Variants in ANKRD11 observed in about 807,000 individuals in gnomAD.
ANKRD11 encodes ankyrin repeat domain-containing protein 11.
In ANKRD11, 17 loss-of-function variants were observed where a neutral mutation model predicts 195.7. The observed-to-expected ratio is 0.09, with a 90% CI of 0.06 to 0.13. ANKRD11 has a LOEUF of 0.13. Ranked by LOEUF, ANKRD11 falls within the 10% of genes least tolerant of loss-of-function variation. The probability of loss-of-function intolerance (pLI) is 1.00; values close to 1 mark genes in which losing one functional copy is unlikely to be tolerated. For missense variants in ANKRD11, 3,735 were observed against 3,566.1 expected, an observed-to-expected ratio of 1.05 and a Z score of -1.21; for synonymous variants, 1,953 against 1,528.1, an observed-to-expected ratio of 1.28 and a Z score of -6.49.
intron 11 of ANKRD11, 119 bp downstream of exon 11, chr16:89,274,695 T>C (rs1319796901): frequency 6.9e-7 from 1 of 1,457,406 alleles, no homozygotes; most frequent in Non-Finnish European, 9.5e-7. Flanking sequence ...CTGTAGCCCC[T>C]GCAAGGTGCT....
At chr16:89,479,892 G>C (rs1302055878) in intron 1 of ANKRD11, among the ~76,000 whole-genome samples, 1 of 147,680 alleles carries the variant, frequency 6.8e-6, no homozygotes, top group Non-Finnish European at 1.5e-5. Context: ...GCAGTGAGCC[G>C]AGATTGTGCC....
intron 1 of ANKRD11, among the ~76,000 whole-genome samples, chr16:89,435,491 GGTCTGCAGCT>G (rs2043176049): frequency 6.6e-6 from 1 of 152,072 alleles, no homozygotes; most frequent in Non-Finnish European, 1.5e-5. Context: ...TCAGCGCGAA[GGTCTGCAGCT>G]TCACTCCTGA....
At chr16:89,271,002 C>A in intron 11 of ANKRD11, 93 bp from the exon 12 acceptor site, 1 of 1,172,498 alleles carries the variant, frequency 8.5e-7, no homozygotes, top group Non-Finnish European at 1.3e-6. Context: ...TGACCGTTCT[C>A]AAGGGACAAC....
At chr16:89,434,404 C>T (rs1225546268) in intron 1 of ANKRD11, among the ~76,000 whole-genome samples, 3 of 152,174 alleles carry the variant, frequency 2.0e-5, no homozygotes, top group South Asian at 2.1e-4. Context: ...TTCTTCTCCA[C>T]GCAAGTCGGA....
At chr16:89,335,359 G>T (rs567936965) in intron 2 of ANKRD11, among the ~76,000 whole-genome samples, 2 of 152,220 alleles carry the variant, frequency 1.3e-5, no homozygotes, top group Non-Finnish European at 2.9e-5. Context: ...CCACACCGAG[G>T]CATCCGTGAG....
chr16:89,316,804 G>T, intron 3 of ANKRD11, 129 bp downstream of exon 3: 1 of 1,142,088 alleles, frequency 8.8e-7, no homozygotes, highest in Non-Finnish European at 1.3e-6. Flanking sequence ...CTCCACTCCT[G>T]GCTGCAGACA....
chr16:89,455,845 A>C (rs1240451223), intron 1 of ANKRD11, among the ~76,000 whole-genome samples: 4 of 152,210 alleles, frequency 2.6e-5, no homozygotes, highest in African/African-American at 9.7e-5. Context: ...TAAACACAGA[A>C]CTATGATATA....
chr16:89,462,084 A>C (rs1463523782), intron 1 of ANKRD11, among the ~76,000 whole-genome samples: 7 of 38,714 alleles, frequency 1.8e-4, no homozygotes, highest in East Asian at 8.5e-4. Flanking sequence ...CCCTCTCCCC[A>C]TGGTCTCCCT....
chr16:89,388,629 C>T lies in ANKRD11; in HGVS notation c.-60+29655G>A, dbSNP rs566815883. Among the ~76,000 whole-genome samples the T allele has an allele frequency of 2.6e-5, 4 of 152,192 alleles. No individual in the cohort carries two copies. The South Asian group carries it at 8.3e-4, about 32-fold the overall frequency. Reference sequence around the variant, plus strand: ...AATATTTGCACCTGAGAAGATGGGGCTGAAGGAGGCTGCATAGAGCAGGAG... The same window carrying T: ...AATATTTGCACCTGAGAAGATGGGGTTGAAGGAGGCTGCATAGAGCAGGAG... On this transcript the variant is annotated intron_variant, in intron 2 of 12. Coordinates refer to ENST00000301030, the MANE Select transcript of ANKRD11 (RefSeq NM_013275.6).
rs1042762418 is a variant in ANKRD11, at chr16:89,323,342, G to A, written c.-59-6264C>T. The A allele has an allele frequency of 2.3e-6, 3 of 1,288,840 alleles. No homozygotes were observed. The South Asian group carries it at 3.7e-5, about 16-fold the overall frequency. The allele number at this position is 1,288,840 out of a possible 1,614,324, so 79.8% of individuals were successfully genotyped here. On this transcript the variant is annotated intron_variant, in intron 2 of 12. Transcript: ENST00000301030. ...CACTGTGGCAATCCCAGGTATGGAA[G>A]AGAAGCACCACTGGCCTCTCACCTC... is the stretch of plus-strand genomic sequence containing the variant.
chr16:89,455,563 C>T (rs2056397517), intron 1 of ANKRD11, among the ~76,000 whole-genome samples: 1 of 152,082 alleles, frequency 6.6e-6, no homozygotes, highest in South Asian at 2.1e-4. Context: ...CTGTCAGAAT[C>T]AACTCTTCAG....
At chr16:89,465,961 C>T (rs1008634389) in intron 1 of ANKRD11, among the ~76,000 whole-genome samples, 1 of 152,192 alleles carries the variant, frequency 6.6e-6, no homozygotes, top group Non-Finnish European at 1.5e-5. Context: ...CTGCCCGCCT[C>T]GGCCTCCCAA....
Position 89,418,204 on chromosome 16 carries a change from A to G in ANKRD11, c.-60+80T>C, listed in dbSNP as rs187101433. The G allele has an allele frequency of 3.4e-5, 15 of 441,726 alleles. No individual in the cohort carries two copies. In the East Asian group the frequency reaches 5.7e-4, roughly 17 times the overall value. The allele number at this position is 441,726 out of a possible 1,614,324, so 27.4% of individuals were successfully genotyped here. ...CAAGTCCAAGAAAACCAACCTGGAC[A>G]CTCACGCATTATTTTGATACTTATT... On this transcript the variant is annotated intron_variant, in intron 2 of 12. Transcript: ENST00000301030.
intron 3 of ANKRD11, chr16:89,313,231 A>G (rs1020630117): frequency 2.9e-5 from 36 of 1,226,668 alleles, no homozygotes; most frequent in Non-Finnish European, 3.6e-5. Flanking sequence ...ATGGAGCACA[A>G]TGAGACAGGG....
intron 1 of ANKRD11, among the ~76,000 whole-genome samples, chr16:89,451,825 C>G (rs2044088265): frequency 6.6e-6 from 1 of 152,112 alleles, no homozygotes; most frequent in Non-Finnish European, 1.5e-5. Context: ...ATCTTAAAAA[C>G]TGAAAAAGAA....
chr16:89,344,417 C>G (rs1419839957), intron 2 of ANKRD11, among the ~76,000 whole-genome samples: 1 of 152,192 alleles, frequency 6.6e-6, no homozygotes, highest in African/African-American at 2.4e-5. Context: ...CAGACCCCGT[C>G]AGGGCCAACA....
At chr16:89,288,027 C>G (rs1429189936) in intron 7 of ANKRD11, 9 of 524,480 alleles carry the variant, frequency 1.7e-5, no homozygotes, top group Non-Finnish European at 2.3e-5. Flanking sequence ...CGACCTCTCT[C>G]GACCCCCACA....
chr16:89,301,176 G>A lies in ANKRD11; in HGVS notation c.226+4030C>T, dbSNP rs916710328. 4.6e-4 allele frequency: 215 copies of A among 468,486 alleles called. 2 individuals carry two copies. Among genetic ancestry groups the A allele is most frequent in the Non-Finnish European group, 1.3e-4 (34 of 267,584 alleles). 29.0% of individuals were successfully genotyped at this position (468,486 alleles called of 1,614,324 possible). A position where few individuals can be genotyped will look rare whatever the true frequency, so the allele number is the denominator to read the frequency against. On this transcript the variant is annotated intron_variant, in intron 4 of 12. Coordinates refer to ENST00000301030, the MANE Select transcript of ANKRD11 (RefSeq NM_013275.6). The stretch of plus-strand genomic sequence containing the variant: ...GGCTGGAGGGCAGTGGCGCAATCAC[G>A]GCTCACTGCAGCCTTGACCTCCTAG...
At chr16:89,453,616 T>C (rs1371525133) in intron 1 of ANKRD11, among the ~76,000 whole-genome samples, 1 of 152,128 alleles carries the variant, frequency 6.6e-6, no homozygotes, top group Non-Finnish European at 1.5e-5. Context: ...GCAAGACAGA[T>C]GTTATTTAAA....
Sources: gnomAD v4.1 joint callset for allele counts (sites outside exome capture counted in the v4.1 genomes callset) on GRCh38, gnomAD v4.1.1 for gene constraint, MANE v1.5 for transcripts, NCBI Gene and HGNC (gene_info 2026-07-23, HGNC 2026-07-21) for gene names.